APLP1: variants seen among roughly 807,000 people sequenced by gnomAD.
APLP1 encodes the protein amyloid beta precursor like protein 1.
Under a neutral mutation model 84.5 loss-of-function variants are expected in APLP1, and 46 were observed. That is an observed-to-expected ratio of 0.54 (90% CI 0.43 to 0.70). APLP1 has a LOEUF of 0.70. Among genes scored for constraint, APLP1 ranks in the 30% least tolerant of loss-of-function variants. The pLI, the probability that APLP1 is intolerant of heterozygous loss-of-function variation, is 0.00. For missense variants in APLP1, 826 were observed against 900.2 expected, an observed-to-expected ratio of 0.92 and a Z score of 1.05; for synonymous variants, 376 against 364.0, an observed-to-expected ratio of 1.03 and a Z score of -0.38.
At chr19:35,871,837 G>T in intron 5 of APLP1, 21 bp from the exon 6 acceptor site, 1 of 1,613,256 alleles carries the variant, frequency 6.2e-7, no homozygotes, top group Middle Eastern at 1.7e-4. Flanking sequence ...TTACTGCCTG[G>T]GTCCTCTCCT....
chr19:35,879,296 T>C, intron 16 of APLP1, 47 bp from the exon 17 acceptor site: 1 of 1,610,442 alleles, frequency 6.2e-7, no homozygotes, highest in Non-Finnish European at 8.5e-7. Flanking sequence ...TTGCGGGCAG[T>C]CCCGCCCCCG....
At chr19:35,872,383 A>C in intron 6 of APLP1, 100 bp from the exon 7 acceptor site, 1 of 1,498,062 alleles carries the variant, frequency 6.7e-7, no homozygotes, top group Non-Finnish European at 9.0e-7. Context: ...AACTGGGTGC[A>C]TGATGGTCTC....
At chr19:35,876,670 C>T in intron 11 of APLP1, 54 bp downstream of exon 11, 1 of 1,428,592 alleles carries the variant, frequency 7.0e-7, no homozygotes, top group South Asian at 1.3e-5. Flanking sequence ...CAGATCTTGA[C>T]TCCTAAATGT....
intron 2 of APLP1, chr19:35,870,628 A>G (rs144298874): frequency 0.03 from 11,804 of 396,742 alleles, 199 homozygotes; most frequent in South Asian, 0.035. Context: ...TACTAAAAAT[A>G]CAAAAATTAG....
chr19:35,870,745 T>C, intron 2 of APLP1, 151 bp from the exon 3 acceptor site: 2 of 1,128,666 alleles, frequency 1.8e-6, no homozygotes, highest in Non-Finnish European at 2.4e-6. Context: ...GATTGTACCA[T>C]TCCACTCCAG....
In APLP1 at chr19:35,879,454, C is replaced by CT. The variant is rs1271168637; in HGVS notation, c.*13_*14insT. 1 of 1,611,520 alleles carries CT rather than the reference C, an allele frequency of 6.2e-7. No individual in the cohort carries two copies. The highest frequency in any genetic ancestry group is 8.5e-7 in the Non-Finnish European group (1 of 1,179,202). ...GGAACGACCCTGACCCGGCCCCCTTCACCCCTTCAGCCGAGCCCAGACCTC... is the reference window on the plus strand; with the variant it reads ...GGAACGACCCTGACCCGGCCCCCTTCTACCCCTTCAGCCGAGCCCAGACCTC... On this transcript the variant is annotated 3_prime_UTR_variant, in exon 17 of 17. Transcript: ENST00000221891.
At position 35,872,626 on chromosome 19, in the gene APLP1, G is replaced by A. The variant is rs376233333; in HGVS notation, c.981+13G>A. ...CCAGATTAATGAGGTGATAATACTGGGGGCCCCAGGACCCCCTACAGTACA... is the reference window on the plus strand; with the variant it reads ...CCAGATTAATGAGGTGATAATACTGAGGGCCCCAGGACCCCCTACAGTACA... On this transcript the variant is annotated intron_variant, in intron 7 of 16. Transcript: ENST00000221891. 1 of 1,610,246 alleles carries A rather than the reference G, an allele frequency of 6.2e-7. No individual in the cohort carries two copies. Among genetic ancestry groups the A allele is most frequent in the Non-Finnish European group, 8.5e-7 (1 of 1,177,928 alleles).
chr19:35,879,373 C>T lies in APLP1; in HGVS notation c.1888C>T (p.Gln630Ter). ...CCCCATGCTGACCCTGGAGGAGCAG[C>T]AGCTCCGCGAACTGCAGCGGCACGG... ...VDPMLTLEEQ[Q>*]LRELQRHGYE... The change falls in exon 17 of 17, where the codon CAG (glutamine) becomes TAG (stop). Residue 630 changes from glutamine (Q) to a stop codon, truncating the protein, a stop_gained. Transcript: ENST00000221891. LOFTEE classifies it high-confidence loss of function. 1 of 1,614,016 alleles carries T rather than the reference C, an allele frequency of 6.2e-7. No homozygotes were observed. Among genetic ancestry groups the T allele is most frequent in the Non-Finnish European group, 8.5e-7 (1 of 1,180,014 alleles).
intron 12 of APLP1, 104 bp from the exon 13 acceptor site, chr19:35,877,978 C>T: frequency 2.2e-6 from 3 of 1,390,322 alleles, no homozygotes; most frequent in South Asian, 1.3e-5. Flanking sequence ...TCTGTAGGAT[C>T]CCCAATCCTC....
intron 11 of APLP1, among the ~76,000 whole-genome samples, chr19:35,877,266 A>C (rs1197319405): frequency 6.6e-6 from 1 of 152,102 alleles, no homozygotes; most frequent in African/African-American, 2.4e-5. Context: ...AGGCGGGTGG[A>C]TCACTTGAGG....
chr19:35,870,246 G>A, intron 2 of APLP1: 1 of 212,306 alleles, frequency 4.7e-6, no homozygotes, highest in Non-Finnish European at 9.4e-6. Flanking sequence ...GGGGCCTAAA[G>A]GAGGGTGAGA....
rs900873667 is a variant in APLP1, at chr19:35,874,891, C to A, written c.1344+22C>A. 1 of 1,602,450 alleles carries A rather than the reference C, an allele frequency of 6.2e-7. No individual in the cohort carries two copies. Among genetic ancestry groups the A allele is most frequent in the Non-Finnish European group, 8.5e-7 (1 of 1,178,904 alleles). ...CCAGGTGCTCACATCCTTCCAGCTC[C>A]CAAATGCGCCGCTATTCCTCAGACG... On this transcript the variant is annotated intron_variant, in intron 10 of 16. Transcript: ENST00000221891. The surrounding 1 kb of genome is among the most constrained non-coding windows in gnomAD (Gnocchi z 6.4).
chr19:35,871,120 G>A (rs1293112615), intron 3 of APLP1, 92 bp downstream of exon 3: 2 of 1,509,270 alleles, frequency 1.3e-6, no homozygotes, highest in Non-Finnish European at 1.8e-6. Context: ...TAAGGGGCTG[G>A]GTGCTTGTGT....
At chr19:35,875,014 C>A in intron 10 of APLP1, 145 bp downstream of exon 10, 2 of 1,208,276 alleles carry the variant, frequency 1.7e-6, no homozygotes, top group Non-Finnish European at 2.3e-6. Flanking sequence ...CCTTCCCAGT[C>A]TCTCAGCTCA....
At chr19:35,877,141 T>C (rs1974299580) in intron 11 of APLP1, among the ~76,000 whole-genome samples, 1 of 152,194 alleles carries the variant, frequency 6.6e-6, no homozygotes, top group African/African-American at 2.4e-5. Context: ...CCCACATCTA[T>C]TGTGTCTTTC....
intron 11 of APLP1, 48 bp downstream of exon 11, chr19:35,876,664 T>C (rs1304566401): frequency 6.8e-7 from 1 of 1,462,614 alleles, no homozygotes; most frequent in Non-Finnish European, 9.3e-7. Context: ...TGAGGGCAGA[T>C]CTTGACTCCT....
intron 12 of APLP1, 116 bp downstream of exon 12, chr19:35,877,941 G>A: frequency 7.8e-7 from 1 of 1,287,612 alleles, no homozygotes; most frequent in Non-Finnish European, 1.1e-6. Flanking sequence ...GAGAGGATGA[G>A]GAGGAACGTC....
At chr19:35,871,105 T>C in intron 3 of APLP1, 77 bp downstream of exon 3, 4 of 1,500,990 alleles carry the variant, frequency 2.7e-6, no homozygotes, top group Non-Finnish European at 3.6e-6. Flanking sequence ...CTCTCAGGCC[T>C]ACATTAAGGG....
intron 7 of APLP1, among the ~76,000 whole-genome samples, chr19:35,872,893 C>T (rs1974194139): frequency 1.3e-5 from 2 of 150,472 alleles, no homozygotes; most frequent in Non-Finnish European, 3.0e-5. Context: ...GAGTTTCGCT[C>T]TTAACACCCA....
Sources: gnomAD v4.1 joint callset for allele counts (sites outside exome capture counted in the v4.1 genomes callset) on GRCh38, gnomAD v4.1.1 for gene constraint, Gnocchi (gnomAD v3.1) non-coding constraint, MANE v1.5 for transcripts, NCBI Gene and HGNC (gene_info 2026-07-23, HGNC 2026-07-21) for gene names.